The following RAB6D variants were observed in gnomAD, a reference collection of about 807,000 sequenced individuals.
RAB6D encodes the protein ras-related protein Rab-6D.
In RAB6D, 11 loss-of-function variants were observed where a neutral mutation model predicts 17.5. That is an observed-to-expected ratio of 0.63 (90% CI 0.39 to 1.04). The LOEUF (loss-of-function observed/expected upper bound fraction) is 1.04, where lower values mean the gene tolerates loss of function less well. RAB6D is among the 50% of genes least tolerant of loss of function. RAB6D has a pLI of 0.00. For synonymous variants in RAB6D, 68 were observed against 122.6 expected (o/e 0.55, Z 2.94); for missense variants, 163 against 315.1 (o/e 0.52, Z 3.65).
chr2:131,361,946 T>A lies in RAB6D; in HGVS notation c.*1010A>T, dbSNP rs1703430265. 1 of 167,092 alleles carries A rather than the reference T, an allele frequency of 6.0e-6. No homozygotes were observed. Among genetic ancestry groups the A allele is most frequent in the African/African-American group, 2.4e-5 (1 of 41,440 alleles). 10.4% of individuals were successfully genotyped at this position (167,092 alleles called of 1,614,324 possible). On this transcript the variant is annotated 3_prime_UTR_variant, in exon 1 of 1. Coordinates refer to ENST00000623617, the MANE Select transcript of RAB6D (RefSeq NM_001077637.3). Reference sequence around the variant, plus strand: ...CCTCTAGGGGCTTACAAGAAAATGGTTTCCGGTTTCCATCTTCAATTTGAC... The same window carrying A: ...CCTCTAGGGGCTTACAAGAAAATGGATTCCGGTTTCCATCTTCAATTTGAC...
Position 131,363,886 on chromosome 2 carries a change from A to G in RAB6D, c.-166T>C, listed in dbSNP as rs1703465151. The G allele has an allele frequency of 4.0e-6, 5 of 1,253,158 alleles. No homozygotes were observed. The highest frequency in any genetic ancestry group is 5.4e-6 in the Non-Finnish European group (5 of 919,556). The allele number at this position is 1,253,158 out of a possible 1,614,324, so 77.6% of individuals were successfully genotyped here. A position where few individuals can be genotyped will look rare whatever the true frequency, so the allele number is the denominator to read the frequency against. On this transcript the variant is annotated 5_prime_UTR_variant, in exon 1 of 1. Coordinates refer to ENST00000623617, the MANE Select transcript of RAB6D (RefSeq NM_001077637.3). ...GCTGGAGGGCAGCAGGACTCTCCAC[A>G]GACTGGCAGCCGCCGCCGCCTCCCG...
Position 131,363,272 on chromosome 2 carries a change from A to G in RAB6D, c.449T>C (p.Val150Ala). The change falls in exon 1 of 1, where the codon GTT (valine) becomes GCT (alanine). Residue 150 changes from valine to alanine, a missense_variant. Physicochemically the swap from Val to Ala is moderately conservative, Grantham distance 64 (BLOSUM62 0). This residue lies in a region of RAB6D where 144 missense variants were observed against 244.4 expected (regional missense o/e 0.59). Coordinates refer to ENST00000623617, the MANE Select transcript of RAB6D (RefSeq NM_001077637.3). ...EGERKAKGLN[V>A]TFIETRAKAG... ...TTTTGCCCTAGTTTCAATAAACGTA[A>G]CATTCAGCCCTTTGGCTTTCCTCTC... is the stretch of plus-strand genomic sequence containing the variant. 1 of 1,613,986 alleles carries G rather than the reference A, an allele frequency of 6.2e-7. No homozygotes were observed.
rs1206449787 is a variant in RAB6D at position 131,360,719 on chromosome 2, T to C, written c.*2237A>G. On this transcript the variant is annotated 3_prime_UTR_variant, in exon 1 of 1. Coordinates refer to ENST00000623617, the MANE Select transcript of RAB6D (RefSeq NM_001077637.3). ...ACATGAATAGACAATATATAATGCC[T>C]AATATTGGTAATCAGGGAAATGCTA... 1.3e-5 allele frequency among the ~76,000 whole-genome samples: 2 copies of C among 152,176 alleles called. No homozygotes were observed. The highest frequency in any genetic ancestry group is 2.9e-5 in the Non-Finnish European group (2 of 68,026).
Position 131,361,451 on chromosome 2 carries a change from T to C in RAB6D, c.*1505A>G, listed in dbSNP as rs185801979. On this transcript the variant is annotated 3_prime_UTR_variant, in exon 1 of 1. Coordinates refer to ENST00000623617, the MANE Select transcript of RAB6D (RefSeq NM_001077637.3). ...TTGTTGTCTTTTCATCTTTATACTG[T>C]GTTAAGTAACGTTTACAACATAAAT... 2.4e-5 allele frequency: 4 copies of C among 167,228 alleles called. No individual in the cohort carries two copies. The Admixed American group carries it at 2.6e-4, about 11-fold the overall frequency. 10.4% of individuals were successfully genotyped at this position (167,228 alleles called of 1,614,324 possible).
At position 131,360,726 on chromosome 2, in the gene RAB6D, G is replaced by C. The variant is rs141216724; in HGVS notation, c.*2230C>G. Among the ~76,000 whole-genome samples the C allele has an allele frequency of 2.6e-3, 391 of 152,156 alleles. 10 individuals carry two copies. The highest frequency in any genetic ancestry group is 0.021 in the Admixed American group (325 of 15,292). On this transcript the variant is annotated 3_prime_UTR_variant, in exon 1 of 1. Transcript: ENST00000623617. ...TAGACAATATATAATGCCTAATATTGGTAATCAGGGAAATGCTATTAAACA... is the reference window on the plus strand; with the variant it reads ...TAGACAATATATAATGCCTAATATTCGTAATCAGGGAAATGCTATTAAACA...
chr2:131,362,998 T>A lies in RAB6D; in HGVS notation c.723A>T (p.Ile241=), dbSNP rs1703443756. Residue 241 remains isoleucine, a synonymous_variant, in exon 1 of 1, where the codon ATA becomes ATT. Coordinates refer to ENST00000623617, the MANE Select transcript of RAB6D (RefSeq NM_001077637.3). ...GCAGCAATGATGAATTGCAAAACGT[T>A]ATTAATGAAGGGAAAAGGTTCAAGC... The part of the protein sequence containing the change: ...NIGLNLFPSL[I]TFCNSSLLPV... 1.2e-6 allele frequency: 2 copies of A among 1,604,236 alleles called. No individual in the cohort carries two copies. The highest frequency in any genetic ancestry group is 2.7e-5 in the African/African-American group (2 of 74,572).
Position 131,363,965 on chromosome 2 carries a change from GT to G in RAB6D, c.-246del. On this transcript the variant is annotated 5_prime_UTR_variant, in exon 1 of 1. Coordinates refer to ENST00000623617, the MANE Select transcript of RAB6D (RefSeq NM_001077637.3). Reference sequence around the variant, plus strand: ...CGCGGCTGGGAAGGGAAGGAGGGCGGTGTCGGCAGGAGCCAGGGGTGTGCTT... The same window carrying G: ...CGCGGCTGGGAAGGGAAGGAGGGCGGGTCGGCAGGAGCCAGGGGTGTGCTT... 1 of 631,184 alleles carries G rather than the reference GT, an allele frequency of 1.6e-6. No individual in the cohort carries two copies. Among genetic ancestry groups the G allele is most frequent in the Non-Finnish European group, 2.8e-6 (1 of 354,732 alleles). 39.1% of individuals were successfully genotyped at this position (631,184 alleles called of 1,614,324 possible).
At position 131,361,937 on chromosome 2, in the gene RAB6D, A is replaced by G. The variant is rs891358939; in HGVS notation, c.*1019T>C. Reference sequence around the variant, plus strand: ...CCTGATCTGCCTCTAGGGGCTTACAAGAAAATGGTTTCCGGTTTCCATCTT... The same window carrying G: ...CCTGATCTGCCTCTAGGGGCTTACAGGAAAATGGTTTCCGGTTTCCATCTT... On this transcript the variant is annotated 3_prime_UTR_variant, in exon 1 of 1. Transcript: ENST00000623617. 6.0e-6 allele frequency: 1 copy of G among 167,058 alleles called. No homozygotes were observed. The highest frequency in any genetic ancestry group is 1.5e-5 in the Non-Finnish European group (1 of 68,112). 10.3% of individuals were successfully genotyped at this position (167,058 alleles called of 1,614,324 possible).
At position 131,360,762 on chromosome 2, in the gene RAB6D, TTG is replaced by T. The variant is rs1573801355; in HGVS notation, c.*2192_*2193del. Among the ~76,000 whole-genome samples the T allele has an allele frequency of 6.6e-6, 1 of 152,104 alleles. No homozygotes were observed. The highest frequency in any genetic ancestry group is 2.1e-4 in the South Asian group (1 of 4,820). On this transcript the variant is annotated 3_prime_UTR_variant, in exon 1 of 1. Transcript: ENST00000623617. ...AAATGCTATTAAACATAGCATAGCA[TTG>T]TGTGTGTGGATGTGTGGATGTAAAT...
chr2:131,363,363 T>G lies in RAB6D; in HGVS notation c.358A>C (p.Ile120Leu). 1 of 1,614,134 alleles carries G rather than the reference T, an allele frequency of 6.2e-7. No homozygotes were observed. The highest frequency in any genetic ancestry group is 8.5e-7 in the Non-Finnish European group (1 of 1,180,048). ...DVRTEGGSDV[I>L]ITLVGNKTDL... ...GTTTTATTTCCTACTAGCGTGATGA[T>G]AACATCACTTCCTCCTTCTGTTCTG... is the stretch of plus-strand genomic sequence containing the variant. Residue 120 changes from isoleucine to leucine, a missense_variant, in exon 1 of 1, where the codon ATC becomes CTC. Physicochemically the swap from Ile to Leu is conservative, Grantham distance 5. This residue lies in a region of RAB6D where 144 missense variants were observed against 244.4 expected (regional missense o/e 0.59). Transcript: ENST00000623617.
chr2:131,363,922 C>G lies in RAB6D; in HGVS notation c.-202G>C, dbSNP rs1047331616. On this transcript the variant is annotated 5_prime_UTR_variant, in exon 1 of 1. Coordinates refer to ENST00000623617, the MANE Select transcript of RAB6D (RefSeq NM_001077637.3). ...CGCCGCCGCCTCCCGGCAGAGTAGC[C>G]GAGCACCGAGCGAGGCCCGCGGCTG... 59 of 931,312 alleles carry G rather than the reference C, an allele frequency of 6.3e-5. No homozygotes were observed. Among genetic ancestry groups the G allele is most frequent in the Non-Finnish European group, 8.6e-5 (54 of 627,464 alleles). The allele number at this position is 931,312 out of a possible 1,614,324, so 57.7% of individuals were successfully genotyped here.
chr2:131,360,769 T>A lies in RAB6D; in HGVS notation c.*2187A>T, dbSNP rs933109249. Among the ~76,000 whole-genome samples, 1 of 152,142 alleles carries A rather than the reference T, an allele frequency of 6.6e-6. No homozygotes were observed. The highest frequency in any genetic ancestry group is 1.5e-5 in the Non-Finnish European group (1 of 68,010). ...ATTAAACATAGCATAGCATTGTGTGTGTGGATGTGTGGATGTAAATGGCAG... is the reference window on the plus strand; with the variant it reads ...ATTAAACATAGCATAGCATTGTGTGAGTGGATGTGTGGATGTAAATGGCAG... On this transcript the variant is annotated 3_prime_UTR_variant, in exon 1 of 1. Coordinates refer to ENST00000623617, the MANE Select transcript of RAB6D (RefSeq NM_001077637.3).
In RAB6D at chr2:131,363,240, A is replaced by G; in HGVS notation, c.481T>C (p.Tyr161His). ...CGTCGAAAGAGCTGCTTTACATTGTATCCAGCTTTTGCCCTAGTTTCAATA... is the reference window on the plus strand; with the variant it reads ...CGTCGAAAGAGCTGCTTTACATTGTGTCCAGCTTTTGCCCTAGTTTCAATA... ...TFIETRAKAGYNVKQLFRRVA... is the reference protein window; with the variant it reads ...TFIETRAKAGHNVKQLFRRVA... The change falls in exon 1 of 1, where the codon TAC becomes CAC. Residue 161 changes from tyrosine (Y) to histidine (H), a missense_variant. By Grantham distance (83) the Tyr-to-His change is moderately conservative (BLOSUM62 2). Around this residue, in one of 2 missense-constraint regions of RAB6D, gnomAD observed 144 missense variants for 244.4 expected, o/e 0.59. Transcript: ENST00000623617. 1 of 1,613,564 alleles carries G rather than the reference A, an allele frequency of 6.2e-7. No homozygotes were observed.
rs1573803332 is a variant in RAB6D at position 131,363,901 on chromosome 2, G to A, written c.-181C>T. The A allele has an allele frequency of 1.1e-5, 12 of 1,115,318 alleles. No individual in the cohort carries two copies. The highest frequency in any genetic ancestry group is 8.7e-5 in the Admixed American group (3 of 34,626). The allele number at this position is 1,115,318 out of a possible 1,614,324, so 69.1% of individuals were successfully genotyped here. On this transcript the variant is annotated 5_prime_UTR_variant, in exon 1 of 1. Coordinates refer to ENST00000623617, the MANE Select transcript of RAB6D (RefSeq NM_001077637.3). ...GACTCTCCACAGACTGGCAGCCGCCGCCGCCTCCCGGCAGAGTAGCCGAGC... is the reference window on the plus strand; with the variant it reads ...GACTCTCCACAGACTGGCAGCCGCCACCGCCTCCCGGCAGAGTAGCCGAGC...
chr2:131,364,160 C>A lies in RAB6D; in HGVS notation c.-440G>T. The A allele has an allele frequency of 4.7e-6, 1 of 212,008 alleles. No homozygotes were observed. The allele number at this position is 212,008 out of a possible 1,614,324, so 13.1% of individuals were successfully genotyped here. A position where few individuals can be genotyped will look rare whatever the true frequency, so the allele number is the denominator to read the frequency against. Reference sequence around the variant, plus strand: ...GCCGCAGCCCAACCTGCTGAGTGCGCGAGCCTCTGGCGCGGGGCGAGCCAG... The same window carrying A: ...GCCGCAGCCCAACCTGCTGAGTGCGAGAGCCTCTGGCGCGGGGCGAGCCAG... On this transcript the variant is annotated 5_prime_UTR_variant, in exon 1 of 1. Transcript: ENST00000623617.
In RAB6D at chr2:131,363,932, G is replaced by C. The variant is rs1166949033; in HGVS notation, c.-212C>G. On this transcript the variant is annotated 5_prime_UTR_variant, in exon 1 of 1. Coordinates refer to ENST00000623617, the MANE Select transcript of RAB6D (RefSeq NM_001077637.3). ...TCCCGGCAGAGTAGCCGAGCACCGA[G>C]CGAGGCCCGCGGCTGGGAAGGGAAG... is the stretch of plus-strand genomic sequence containing the variant. 1.8e-5 allele frequency: 15 copies of C among 816,730 alleles called. No homozygotes were observed. The highest frequency in any genetic ancestry group is 2.5e-5 in the Non-Finnish European group (13 of 523,202). 50.6% of individuals were successfully genotyped at this position (816,730 alleles called of 1,614,324 possible).
At position 131,361,318 on chromosome 2, in the gene RAB6D, G is replaced by A. The variant is rs546702316; in HGVS notation, c.*1638C>T. The A allele has an allele frequency of 4.8e-5, 8 of 167,148 alleles. No individual in the cohort carries two copies. Among genetic ancestry groups the A allele is most frequent in the East Asian group, 1.9e-4 (1 of 5,196 alleles). 10.4% of individuals were successfully genotyped at this position (167,148 alleles called of 1,614,324 possible). Reference sequence around the variant, plus strand: ...TCCAAGTGCTCTCTGAATATTACAAGGTGACAATAAGTGGGAAGTGGAGGA... The same window carrying A: ...TCCAAGTGCTCTCTGAATATTACAAAGTGACAATAAGTGGGAAGTGGAGGA... On this transcript the variant is annotated 3_prime_UTR_variant, in exon 1 of 1. Coordinates refer to ENST00000623617, the MANE Select transcript of RAB6D (RefSeq NM_001077637.3).
Position 131,364,030 on chromosome 2 carries a change from C to T in RAB6D, c.-310G>A, listed in dbSNP as rs970879329. 53 of 427,756 alleles carry T rather than the reference C, an allele frequency of 1.2e-4. 1 individual carries two copies. In the Admixed American group the frequency reaches 2.1e-3, roughly 17 times the overall value. The allele number at this position is 427,756 out of a possible 1,614,324, so 26.5% of individuals were successfully genotyped here. A position where few individuals can be genotyped will look rare whatever the true frequency, so the allele number is the denominator to read the frequency against. On this transcript the variant is annotated 5_prime_UTR_variant, in exon 1 of 1. Coordinates refer to ENST00000623617, the MANE Select transcript of RAB6D (RefSeq NM_001077637.3). ...CTAGGGCCGTTCCCTTCTTCCTCAC[C>T]CGGCTCCAAGACCTGCGGGAGAAAG...
Position 131,361,119 on chromosome 2 carries a change from A to G in RAB6D, c.*1837T>C, listed in dbSNP as rs1353717616. 2.4e-5 allele frequency: 4 copies of G among 167,110 alleles called. No individual in the cohort carries two copies. Among genetic ancestry groups the G allele is most frequent in the Admixed American group, 6.5e-5 (1 of 15,282 alleles). 10.4% of individuals were successfully genotyped at this position (167,110 alleles called of 1,614,324 possible). On this transcript the variant is annotated 3_prime_UTR_variant, in exon 1 of 1. Coordinates refer to ENST00000623617, the MANE Select transcript of RAB6D (RefSeq NM_001077637.3). ...AGAGTATGACCCATCTGCCACAGTG[A>G]ATCAATATTTATTTCAGGACATGCC...
Sources: allele counts gnomAD v4.1 joint callset (sites outside exome capture counted in the v4.1 genomes callset), GRCh38; gene constraint gnomAD v4.1.1; regional missense constraint gnomAD v4.1.1; transcripts MANE v1.5; gene names NCBI Gene and HGNC (gene_info 2026-07-23, HGNC 2026-07-21).